NAV3: variants seen among roughly 807,000 people sequenced by gnomAD.
The protein encoded by NAV3 is neuron navigator 3.
NAV3 carries 87 observed loss-of-function variants against 244.7 expected under a neutral mutation model. That is an observed-to-expected ratio of 0.36 (90% CI 0.30 to 0.42). The LOEUF (loss-of-function observed/expected upper bound fraction) is 0.42. NAV3 is among the 20% of genes least tolerant of loss of function. The pLI, the probability that NAV3 is intolerant of heterozygous loss-of-function variation, is 1.00. For missense variants in NAV3, 2,663 were observed against 2,893.3 expected, an observed-to-expected ratio of 0.92 and a Z score of 1.83; for synonymous variants, 1,126 against 1,042.2, an observed-to-expected ratio of 1.08 and a Z score of -1.55.
chr12:77,877,051 A>G (rs2136541901), intron 1 of NAV3, among the ~76,000 whole-genome samples: 1 of 152,260 alleles, frequency 6.6e-6, no homozygotes, highest in South Asian at 2.1e-4. Context: ...CCTTAAAGCT[A>G]TGCAGAAAAT....
chr12:78,161,647 T>C (rs966912926), intron 23 of NAV3, among the ~76,000 whole-genome samples: 1 of 152,112 alleles, frequency 6.6e-6, no homozygotes, highest in African/African-American at 2.4e-5. Context: ...TTGCCAAAAT[T>C]ATAAAATTTT....
intron 3 of NAV3, among the ~76,000 whole-genome samples, chr12:77,955,929 A>T (rs192284291): frequency 2.6e-4 from 40 of 152,242 alleles, no homozygotes; most frequent in Non-Finnish European, 5.0e-4. Flanking sequence ...CTTTTCTAGG[A>T]GTCTGTGTTT....
intron 2 of NAV3, among the ~76,000 whole-genome samples, chr12:77,635,439 T>G (rs551434670): frequency 6.6e-6 from 1 of 152,260 alleles, no homozygotes; most frequent in African/African-American, 2.4e-5. Flanking sequence ...ATGTAATAAG[T>G]TGGGTAAATA....
intron 24 of NAV3, 84 bp downstream of exon 24, chr12:78,168,950 A>G: frequency 1.2e-6 from 1 of 860,500 alleles, no homozygotes; most frequent in Non-Finnish European, 1.8e-6. Context: ...GCATTTACTC[A>G]GTGTCACTGT....
intron 2 of NAV3, among the ~76,000 whole-genome samples, chr12:77,813,013 G>A (rs1345649295): frequency 5.3e-5 from 8 of 151,660 alleles, no homozygotes; most frequent in African/African-American, 1.9e-4. Flanking sequence ...AGTAGACACG[G>A]GGTTTTACCA....
rs149588376 is a variant in NAV3, at chr12:77,890,847, T to G, written c.244-49472T>G. Among the ~76,000 whole-genome samples, 630 of 152,354 alleles carry G rather than the reference T, an allele frequency of 4.1e-3. 7 individuals are homozygous for G. Among genetic ancestry groups the G allele is most frequent in the African/African-American group, 0.014 (589 of 41,592 alleles). ...TGCAGGAAAGCTGCACGAGTTCTCCTGAAAGTAAATTCAAGTTACAGCAAC... is the reference window on the plus strand; with the variant it reads ...TGCAGGAAAGCTGCACGAGTTCTCCGGAAAGTAAATTCAAGTTACAGCAAC... On this transcript the variant is annotated intron_variant, in intron 1 of 39. Transcript: ENST00000397909.
intron 2 of NAV3, among the ~76,000 whole-genome samples, chr12:77,787,626 C>T (rs1418245434): frequency 6.6e-6 from 1 of 152,186 alleles, no homozygotes; most frequent in Admixed American, 6.5e-5. Flanking sequence ...ATGAGAACAG[C>T]AGCGAGGGGG....
chr12:77,809,729 C>T (rs1014096222), intron 2 of NAV3, among the ~76,000 whole-genome samples: 3 of 152,130 alleles, frequency 2.0e-5, no homozygotes, highest in Admixed American at 2.0e-4. Context: ...ATAAAACATA[C>T]GTCATTGTAT....
intron 2 of NAV3, among the ~76,000 whole-genome samples, chr12:77,716,088 G>A (rs935585714): frequency 1.3e-5 from 2 of 151,894 alleles, no homozygotes; most frequent in Non-Finnish European, 2.9e-5. Context: ...CTTAGAATTT[G>A]TCATACTCCT....
At chr12:78,099,172 G>C (rs1217359255) in intron 12 of NAV3, among the ~76,000 whole-genome samples, 1 of 151,344 alleles carries the variant, frequency 6.6e-6, no homozygotes, top group Non-Finnish European at 1.5e-5. Flanking sequence ...ACTTACAATA[G>C]TTAGAAAATT....
intron 2 of NAV3, among the ~76,000 whole-genome samples, chr12:77,593,555 T>C (rs959271437): frequency 1.3e-5 from 2 of 151,074 alleles, no homozygotes; most frequent in African/African-American, 4.8e-5. Flanking sequence ...GTTCAAGCGA[T>C]TCTCCTGCCT....
At position 77,603,971 on chromosome 12, in the gene NAV3, A is replaced by G. The variant is rs150521102; in HGVS notation, c.72+31705A>G. Reference sequence around the variant, plus strand: ...CTGTATTGGATAAATTTAGAGGTGGAGTTTGCAGAGACAGGTTTGGAGAGT... The same window carrying G: ...CTGTATTGGATAAATTTAGAGGTGGGGTTTGCAGAGACAGGTTTGGAGAGT... On this transcript the variant is annotated intron_variant, in intron 2 of 8. Transcript: ENST00000550042. 2.0e-5 allele frequency among the ~76,000 whole-genome samples: 3 copies of G among 152,246 alleles called. No homozygotes were observed. The East Asian group carries it at 5.8e-4, about 29-fold the overall frequency.
chr12:77,946,240 T>A (rs1284814957), intron 3 of NAV3, among the ~76,000 whole-genome samples: 1 of 105,916 alleles, frequency 9.4e-6, no homozygotes, highest in Non-Finnish European at 2.2e-5. Flanking sequence ...TATGTGCGTA[T>A]GTGTGTGTGT....
chr12:77,786,800 C>A (rs1410769223), intron 2 of NAV3, among the ~76,000 whole-genome samples: 2 of 152,054 alleles, frequency 1.3e-5, no homozygotes, highest in South Asian at 4.1e-4. Context: ...TTCCCAGTCC[C>A]ACCACCATGA....
intron 1 of NAV3, among the ~76,000 whole-genome samples, chr12:77,877,387 A>G (rs1056895830): frequency 3.9e-5 from 6 of 152,172 alleles, no homozygotes; most frequent in Non-Finnish European, 5.9e-5. Context: ...TCTAAGATCA[A>G]TTCTTTACCA....
chr12:77,714,378 C>T (rs558764481), intron 2 of NAV3, among the ~76,000 whole-genome samples: 40 of 152,204 alleles, frequency 2.6e-4, no homozygotes, highest in African/African-American at 8.2e-4. Context: ...TAATTATGTG[C>T]GGAACTGTGC....
intron 22 of NAV3, among the ~76,000 whole-genome samples, chr12:78,157,248 A>T (rs1957340688): frequency 6.6e-6 from 1 of 152,062 alleles, no homozygotes; most frequent in South Asian, 2.1e-4. Flanking sequence ...ATTTTTCCAC[A>T]GTTGAAAAGG....
At position 78,006,912 on chromosome 12, in the gene NAV3, T is replaced by TA; in HGVS notation, c.1379dup (p.Ser461ValfsTer17). ...AAGCTGGAAGCAAAAATCTCAGCAA[T>TA]AAAAAGTCTTTGCTACAGCCAAAGG... On this transcript the variant is annotated frameshift_variant, in exon 8 of 40. Transcript: ENST00000397909. LOFTEE classifies it high-confidence loss of function. 6.2e-7 allele frequency: 1 copy of TA among 1,613,674 alleles called. No homozygotes were observed. Among genetic ancestry groups the TA allele is most frequent in the Non-Finnish European group, 8.5e-7 (1 of 1,179,944 alleles).
Position 78,175,312 on chromosome 12 carries a change from G to GCGA in NAV3, c.4989_4990insGAC (p.Arg1663_Ile1664insAsp). ...ACTCTCCCTCTATTGCTAGATCTTC[G>GCGA]CATCAGAAGACAGCATTCCTCTGAA... On this transcript the variant is annotated inframe_insertion, in exon 25 of 40. Transcript: ENST00000397909. 6.2e-7 allele frequency: 1 copy of GCGA among 1,610,288 alleles called. No homozygotes were observed. Among genetic ancestry groups the GCGA allele is most frequent in the Non-Finnish European group, 8.5e-7 (1 of 1,177,638 alleles).
Sources: allele counts gnomAD v4.1 joint callset (sites outside exome capture counted in the v4.1 genomes callset), GRCh38; gene constraint gnomAD v4.1.1; transcripts MANE v1.5; gene names NCBI Gene and HGNC (gene_info 2026-07-23, HGNC 2026-07-21).